Variants in CACNA1E observed in about 807,000 individuals in gnomAD.
CACNA1E encodes the protein calcium voltage-gated channel subunit alpha1 E, also known as voltage-dependent R-type calcium channel subunit alpha-1E.
In CACNA1E, 40 loss-of-function variants were observed where a neutral mutation model predicts 259.2. The ratio of observed to expected loss-of-function variants is 0.15; its 90% CI spans 0.12 to 0.20. CACNA1E has a LOEUF of 0.20. CACNA1E is among the 10% of genes least tolerant of loss of function. The probability of loss-of-function intolerance (pLI) is 1.00; values close to 1 mark genes in which losing one functional copy is unlikely to be tolerated. For missense variants in CACNA1E, 1,874 were observed against 3,040.1 expected (o/e 0.62, Z 9.02); for synonymous variants, 1,104 against 1,138.5 (o/e 0.97, Z 0.61).
chr1:181,416,947 C>T (rs1445692254), intron 2 of CACNA1E, among the ~76,000 whole-genome samples: 1 of 152,082 alleles, frequency 6.6e-6, no homozygotes, highest in Non-Finnish European at 1.5e-5. Context: ...GATGACCCTT[C>T]CTGCACCCTG....
intron 25 of CACNA1E, among the ~76,000 whole-genome samples, chr1:181,741,777 G>A (rs947848892): frequency 2.6e-5 from 4 of 152,112 alleles, no homozygotes; most frequent in African/African-American, 9.7e-5. Flanking sequence ...TGGCTTTGGC[G>A]CTGGTGGCAG....
chr1:181,581,863 C>A (rs892435379), intron 6 of CACNA1E, among the ~76,000 whole-genome samples: 1 of 152,116 alleles, frequency 6.6e-6, no homozygotes, highest in African/African-American at 2.4e-5. Flanking sequence ...CTTAAGGTGC[C>A]GTCTGTTTCC....
intron 7 of CACNA1E, chr1:181,651,861 T>A (rs207460731): frequency 6.4e-6 from 1 of 156,106 alleles, no homozygotes; most frequent in Non-Finnish European, 1.4e-5. Flanking sequence ...GTGGCTTGAA[T>A]TAGTTTATAC....
At chr1:181,764,766 A>C (rs1020383880) in intron 34 of CACNA1E, among the ~76,000 whole-genome samples, 2 of 152,010 alleles carry the variant, frequency 1.3e-5, no homozygotes, top group Non-Finnish European at 2.9e-5. Context: ...AATTGGAAAC[A>C]CAACATGCTT....
chr1:181,417,204 C>T (rs941877845), intron 2 of CACNA1E, among the ~76,000 whole-genome samples: 1 of 152,082 alleles, frequency 6.6e-6, no homozygotes, highest in Non-Finnish European at 1.5e-5. Flanking sequence ...TATCCCCTTC[C>T]CCAGTCATGT....
intron 1 of CACNA1E, among the ~76,000 whole-genome samples, chr1:181,497,125 C>G (rs185596798): frequency 6.6e-6 from 1 of 152,110 alleles, no homozygotes; most frequent in Admixed American, 6.5e-5. Context: ...CCACCTCCCC[C>G]CACCTGAAGT....
At chr1:181,630,384 GC>G (rs371364830) in intron 6 of CACNA1E, among the ~76,000 whole-genome samples, 9 of 145,178 alleles carry the variant, frequency 6.2e-5, no homozygotes, top group Middle Eastern at 3.6e-3. Flanking sequence ...TAATTAACAT[GC>G]CCCCCCACCC....
intron 2 of CACNA1E, among the ~76,000 whole-genome samples, chr1:181,462,958 T>C (rs1050135719): frequency 1.3e-5 from 2 of 151,874 alleles, no homozygotes; most frequent in Non-Finnish European, 2.9e-5. Flanking sequence ...AAAATGATCA[T>C]CTTGTCCATG....
At chr1:181,783,950 C>T (rs1260590449) in intron 40 of CACNA1E, among the ~76,000 whole-genome samples, 166 bp downstream of exon 40, 1 of 152,192 alleles carries the variant, frequency 6.6e-6, no homozygotes, top group Non-Finnish European at 1.5e-5. Flanking sequence ...TTGCCCTTTC[C>T]TTCTGGTACA....
chr1:181,789,664 T>G (rs1217695162), intron 43 of CACNA1E, among the ~76,000 whole-genome samples: 1 of 152,210 alleles, frequency 6.6e-6, no homozygotes, highest in South Asian at 2.1e-4. Flanking sequence ...TCCAGAAAGC[T>G]TGGCTGCTTC....
At chr1:181,785,257 T>C (rs1252607164) in intron 41 of CACNA1E, 61 bp from the exon 42 acceptor site, 4 of 950,768 alleles carry the variant, frequency 4.2e-6, no homozygotes, top group Non-Finnish European at 6.8e-6. Context: ...AGCTTAGAGG[T>C]TCCTCACTCT....
intron 1 of CACNA1E, among the ~76,000 whole-genome samples, chr1:181,353,715 T>C (rs531678958): frequency 6.6e-6 from 1 of 152,264 alleles, no homozygotes; most frequent in South Asian, 2.1e-4. Context: ...ATGCATCCCA[T>C]TGGCTAAAGC....
At chr1:181,783,332 C>T (rs1007758258) in intron 39 of CACNA1E, among the ~76,000 whole-genome samples, 6 of 152,186 alleles carry the variant, frequency 3.9e-5, no homozygotes, top group Non-Finnish European at 7.3e-5. Context: ...GACTCCTTTC[C>T]TTGAGCCACT....
intron 3 of CACNA1E, among the ~76,000 whole-genome samples, chr1:181,568,657 ATGATC>A (rs1347510837): frequency 2.8e-4 from 43 of 152,100 alleles, no homozygotes; most frequent in Non-Finnish European, 5.4e-4. Context: ...GTGCAGTGGC[ATGATC>A]GTGATTCACT....
chr1:181,372,183 G>A (rs1460476980), intron 1 of CACNA1E, among the ~76,000 whole-genome samples: 1 of 152,154 alleles, frequency 6.6e-6, no homozygotes, highest in Non-Finnish European at 1.5e-5. Context: ...AAATTGCTTT[G>A]AGCAGTATGG....
chr1:181,635,380 C>G (rs1193168193), intron 6 of CACNA1E, among the ~76,000 whole-genome samples: 1 of 152,064 alleles, frequency 6.6e-6, no homozygotes, highest in Non-Finnish European at 1.5e-5. Flanking sequence ...TCCTTGTCAC[C>G]CACTCCTCTT....
chr1:181,483,862 A>G lies in CACNA1E; in HGVS notation c.118A>G (p.Lys40Glu). ...GGCCTCGGGGCAGGCGGCCGCCTACAAGCAGACGAAAGCACAGAGGGCGCG... is the reference window on the plus strand; with the variant it reads ...GGCCTCGGGGCAGGCGGCCGCCTACGAGCAGACGAAAGCACAGAGGGCGCG... ...VPASGQAAAYKQTKAQRARTM... is the reference protein window; with the variant it reads ...VPASGQAAAYEQTKAQRARTM... The change falls in exon 1 of 48, where the codon AAG (lysine) becomes GAG (glutamate). Residue 40 changes from lysine (K) to glutamate (E), a missense_variant. Physicochemically the swap from Lys to Glu is moderately conservative, Grantham distance 56. Around this residue, in one of 14 missense-constraint regions of CACNA1E, gnomAD observed 110 missense variants for 122.8 expected, o/e 0.90. Coordinates refer to ENST00000367573, the MANE Select transcript of CACNA1E (RefSeq NM_001205293.3). The G allele has an allele frequency of 6.2e-7, 1 of 1,613,636 alleles. No homozygotes were observed. Among genetic ancestry groups the G allele is most frequent in the Non-Finnish European group, 8.5e-7 (1 of 1,179,808 alleles).
At chr1:181,633,305 T>A (rs1656914056) in intron 6 of CACNA1E, among the ~76,000 whole-genome samples, 1 of 152,050 alleles carries the variant, frequency 6.6e-6, no homozygotes, top group Admixed American at 6.5e-5. Context: ...AATTCATTCT[T>A]ATCACCATAG....
chr1:181,596,556 A>ATGTGTGTGTG (rs1491525131), intron 6 of CACNA1E, among the ~76,000 whole-genome samples: 3 of 53,598 alleles, frequency 5.6e-5, no homozygotes, highest in Non-Finnish European at 1.4e-4. Flanking sequence ...CCCACCATGT[A>ATGTGTGTGTG]CGTGTGTGTG....
Sources: gnomAD v4.1 joint callset for allele counts (sites outside exome capture counted in the v4.1 genomes callset) on GRCh38, gnomAD v4.1.1 for gene constraint, gnomAD v4.1.1 regional missense constraint, MANE v1.5 for transcripts, NCBI Gene and HGNC (gene_info 2026-07-23, HGNC 2026-07-21) for gene names.